The following CAST variants were observed in gnomAD, a reference collection of about 807,000 sequenced individuals.
The protein encoded by CAST is calpastatin, also known as MIR583 host.
A neutral mutation model predicts 119.6 loss-of-function variants in CAST; 76 were observed. That is an observed-to-expected ratio of 0.64 (90% CI 0.53 to 0.77). The LOEUF is 0.77. Ranked by LOEUF, CAST falls within the 30% of genes least tolerant of loss-of-function variation. The pLI is 0.00. For synonymous variants in CAST, 319 were observed against 331.6 expected, an observed-to-expected ratio of 0.96 and a Z score of 0.41; for missense variants, 953 against 946.5, an observed-to-expected ratio of 1.01 and a Z score of -0.09.
At chr5:96,684,737 A>T (rs1401230081) in intron 2 of CAST, among the ~76,000 whole-genome samples, 1 of 151,868 alleles carries the variant, frequency 6.6e-6, no homozygotes, top group Admixed American at 6.6e-5. Flanking sequence ...TAACTTTTTT[A>T]AAAAATATTT....
the CAST span, among the ~76,000 whole-genome samples, chr5:96,196,469 A>T: frequency 2.6e-5 from 4 of 152,350 alleles, no homozygotes; most frequent in East Asian, 3.9e-4. Context: ...GGGGAAAATG[A>T]TAATAAACTT....
At chr5:96,717,272 A>C (rs1757347716) in intron 3 of CAST, among the ~76,000 whole-genome samples, 1 of 152,206 alleles carries the variant, frequency 6.6e-6, no homozygotes, top group Non-Finnish European at 1.5e-5. Context: ...AGAAATATCA[A>C]CACAAGAGTT....
intron 1 of CAST, among the ~76,000 whole-genome samples, chr5:96,623,249 C>T (rs1747656242): frequency 6.6e-6 from 1 of 151,638 alleles, no homozygotes; most frequent in African/African-American, 2.4e-5. Flanking sequence ...CTCTAAAGCA[C>T]AATAATGGCA....
At chr5:96,648,520 AATATATCT>A (rs781456181) in intron 1 of CAST, among the ~76,000 whole-genome samples, 7 of 152,264 alleles carry the variant, frequency 4.6e-5, no homozygotes, top group African/African-American at 9.6e-5. Flanking sequence ...CACTTGAATT[AATATATCT>A]GTATATTTAA....
At chr5:96,364,060 C>T in the CAST span, among the ~76,000 whole-genome samples, 13 of 152,096 alleles carry the variant, frequency 8.5e-5, no homozygotes, top group Non-Finnish European at 1.3e-4. Context: ...TGAATTTTGT[C>T]GAAGGCCTTT....
chr5:96,459,533 T>A, the CAST span, among the ~76,000 whole-genome samples: 2 of 152,132 alleles, frequency 1.3e-5, no homozygotes, highest in East Asian at 3.8e-4. Flanking sequence ...TGATGGCTTT[T>A]AAAAAAATTA....
At chr5:96,631,621 C>G (rs1747820133) in intron 1 of CAST, among the ~76,000 whole-genome samples, 1 of 115,000 alleles carries the variant, frequency 8.7e-6, no homozygotes, top group Non-Finnish European at 2.0e-5. Flanking sequence ...TGCTCTGTCT[C>G]CCAGGCTGGA....
intron 2 of CAST, among the ~76,000 whole-genome samples, chr5:96,691,933 C>T (rs17399522): frequency 0.042 from 6,321 of 152,236 alleles, 175 homozygotes; most frequent in Middle Eastern, 0.092. Flanking sequence ...TTGCCTGGCT[C>T]TTGGAACTTC....
chr5:96,647,406 G>A (rs1054223366), intron 1 of CAST, among the ~76,000 whole-genome samples: 1 of 152,094 alleles, frequency 6.6e-6, no homozygotes, highest in Non-Finnish European at 1.5e-5. Context: ...GATTTAATAG[G>A]ATTTTTACCT....
the CAST span, chr5:96,400,106 C>T: frequency 6.2e-7 from 1 of 1,614,160 alleles, no homozygotes. Flanking sequence ...ATTCTTTTTC[C>T]ATCCAGGGTT....
intron 1 of CAST, among the ~76,000 whole-genome samples, chr5:96,655,613 G>A (rs1748147574): frequency 6.6e-6 from 1 of 152,230 alleles, no homozygotes; most frequent in Non-Finnish European, 1.5e-5. Context: ...AGGATCTACT[G>A]CAGATACTTG....
chr5:96,640,722 C>T (rs1009946291), intron 1 of CAST, among the ~76,000 whole-genome samples: 2 of 152,278 alleles, frequency 1.3e-5, no homozygotes, highest in Admixed American at 6.5e-5. Context: ...GTCCAGGGTT[C>T]AGGAGACAGG....
intron 3 of CAST, among the ~76,000 whole-genome samples, chr5:96,718,557 G>T (rs769716114): frequency 6.7e-6 from 1 of 149,770 alleles, no homozygotes; most frequent in Non-Finnish European, 1.5e-5. Context: ...AAAAAAAAAA[G>T]AATACAGAGA....
the CAST span, among the ~76,000 whole-genome samples, chr5:96,035,355 T>C: frequency 1.5e-4 from 23 of 151,616 alleles, no homozygotes; most frequent in Non-Finnish European, 2.2e-4. Flanking sequence ...GTACTCTGTC[T>C]AATTATGATT....
At chr5:95,998,067 A>G in the CAST span, among the ~76,000 whole-genome samples, 1 of 151,050 alleles carries the variant, frequency 6.6e-6, no homozygotes, top group Non-Finnish European at 1.5e-5. Context: ...CTGAATGACA[A>G]TGAAGATAAG....
chr5:96,354,214 T>C, the CAST span, among the ~76,000 whole-genome samples: 5 of 152,146 alleles, frequency 3.3e-5, no homozygotes, highest in Non-Finnish European at 1.5e-5. Context: ...CCCAATCTTA[T>C]CCTCCTAGTG....
At chr5:96,589,052 A>G (rs1746914967) in intron 1 of CAST, among the ~76,000 whole-genome samples, 1 of 152,160 alleles carries the variant, frequency 6.6e-6, no homozygotes, top group African/African-American at 2.4e-5. Flanking sequence ...TTTCTTTTTC[A>G]GCTTTTCAAA....
intron 31 of CAST, 93 bp downstream of exon 31, chr5:96,771,795 A>C (rs905054771): frequency 9.6e-6 from 7 of 729,684 alleles, no homozygotes; most frequent in Non-Finnish European, 1.7e-5. Context: ...CCTCTTGAGT[A>C]ATTCATGCTC....
At chr5:96,100,595 C>G in the CAST span, among the ~76,000 whole-genome samples, 1 of 152,164 alleles carries the variant, frequency 6.6e-6, no homozygotes, top group Non-Finnish European at 1.5e-5. Flanking sequence ...GCACTCTCTA[C>G]CTGGGTGGGC....
Sources: allele counts gnomAD v4.1 joint callset (sites outside exome capture counted in the v4.1 genomes callset), GRCh38; gene constraint gnomAD v4.1.1; transcripts MANE v1.5; gene names NCBI Gene and HGNC (gene_info 2026-07-23, HGNC 2026-07-21).